Variants in KCNJ3 observed in about 807,000 individuals in gnomAD.
KCNJ3 encodes the protein G protein-activated inward rectifier potassium channel 1.
KCNJ3 carries 4 observed loss-of-function variants against 39.2 expected under a neutral mutation model. The observed-to-expected ratio is 0.10, with a 90% CI of 0.05 to 0.23. The LOEUF (loss-of-function observed/expected upper bound fraction) is 0.23, where lower values mean the gene tolerates loss of function less well. Ranked by LOEUF, KCNJ3 falls within the 10% of genes least tolerant of loss-of-function variation. KCNJ3 has a pLI of 1.00. For synonymous variants in KCNJ3, 230 were observed against 237.4 expected, an observed-to-expected ratio of 0.97 and a Z score of 0.29; for missense variants, 276 against 634.9, an observed-to-expected ratio of 0.43 and a Z score of 6.08.
intron 2 of KCNJ3, among the ~76,000 whole-genome samples, chr2:154,750,056 T>C (rs948065471): frequency 6.6e-6 from 1 of 152,034 alleles, no homozygotes; most frequent in East Asian, 1.9e-4. Context: ...GAAAGCCTAG[T>C]GAATAGCAAT....
intron 2 of KCNJ3, among the ~76,000 whole-genome samples, chr2:154,711,400 A>C (rs1685100316): frequency 6.6e-6 from 1 of 152,014 alleles, no homozygotes; most frequent in African/African-American, 2.4e-5. Flanking sequence ...CCAATTGCTT[A>C]TTATTATTCT....
intron 2 of KCNJ3, among the ~76,000 whole-genome samples, chr2:154,741,195 G>C (rs1455552944): frequency 6.6e-6 from 1 of 151,872 alleles, no homozygotes; most frequent in Non-Finnish European, 1.5e-5. Flanking sequence ...AGATGAATCT[G>C]ATTGTAAGAA....
At chr2:154,787,079 A>C (rs1316771748) in intron 2 of KCNJ3, among the ~76,000 whole-genome samples, 1 of 152,226 alleles carries the variant, frequency 6.6e-6, no homozygotes, top group Admixed American at 6.5e-5. Context: ...ACTAGAAAAA[A>C]AGGGTGTAAA....
chr2:154,738,029 T>C (rs897367025), intron 2 of KCNJ3, among the ~76,000 whole-genome samples: 7 of 152,174 alleles, frequency 4.6e-5, no homozygotes, highest in African/African-American at 1.7e-4. Flanking sequence ...ATTTTCTTTA[T>C]CCATTCATCT....
intron 2 of KCNJ3, among the ~76,000 whole-genome samples, chr2:154,734,493 T>TCAAAA (rs915236221): frequency 1.3e-5 from 2 of 152,198 alleles, no homozygotes; most frequent in African/African-American, 2.4e-5. Context: ...GTGAGCCACC[T>TCAAAA]CAAAACAAAA....
At chr2:154,794,346 C>T (rs1348983499) in intron 2 of KCNJ3, among the ~76,000 whole-genome samples, 2 of 151,908 alleles carry the variant, frequency 1.3e-5, no homozygotes, top group African/African-American at 4.8e-5. Flanking sequence ...GCCAATGAAA[C>T]TAATTCACCT....
chr2:154,856,191 T>C lies in KCNJ3; in HGVS notation c.*878T>C, dbSNP rs949680171. 3 of 152,566 alleles carry C rather than the reference T, an allele frequency of 2.0e-5. No individual in the cohort carries two copies. Among genetic ancestry groups the C allele is most frequent in the Non-Finnish European group, 2.9e-5 (2 of 67,986 alleles). The allele number at this position is 152,566 out of a possible 1,614,324, so 9.5% of individuals were successfully genotyped here. ...GAGAATTATTCCTTTCCTAGACTAA[T>C]TAAAATCTGGAAATCTGTTTTGTAT... On this transcript the variant is annotated 3_prime_UTR_variant, in exon 3 of 3. Transcript: ENST00000295101.
chr2:154,722,660 T>G (rs1341223438), intron 2 of KCNJ3, among the ~76,000 whole-genome samples: 1 of 149,716 alleles, frequency 6.7e-6, no homozygotes, highest in Non-Finnish European at 1.5e-5. Flanking sequence ...CATAGATGGT[T>G]TTTAAGCAGG....
At chr2:154,771,018 G>A (rs1381671176) in intron 2 of KCNJ3, among the ~76,000 whole-genome samples, 1 of 150,914 alleles carries the variant, frequency 6.6e-6, no homozygotes, top group East Asian at 2.0e-4. Context: ...AGCCTCCCCA[G>A]TAGCGGGATT....
intron 2 of KCNJ3, among the ~76,000 whole-genome samples, chr2:154,769,736 G>C (rs900419810): frequency 3.3e-5 from 5 of 151,924 alleles, no homozygotes; most frequent in Non-Finnish European, 7.4e-5. Flanking sequence ...TTTTTCTATT[G>C]ATTGGAATAG....
At chr2:154,775,314 T>C (rs1296023750) in intron 2 of KCNJ3, among the ~76,000 whole-genome samples, 1 of 152,188 alleles carries the variant, frequency 6.6e-6, no homozygotes, top group Non-Finnish European at 1.5e-5. Context: ...ATGTTTTCAG[T>C]TGGGTAGAAT....
chr2:154,716,692 T>A (rs1685187746), intron 2 of KCNJ3, among the ~76,000 whole-genome samples: 1 of 152,252 alleles, frequency 6.6e-6, no homozygotes, highest in African/African-American at 2.4e-5. Flanking sequence ...CTGAATAAAC[T>A]ATAAACTTCC....
chr2:154,756,596 C>T (rs6709421), intron 2 of KCNJ3, among the ~76,000 whole-genome samples: 1 of 151,672 alleles, frequency 6.6e-6, no homozygotes, highest in Non-Finnish European at 1.5e-5. Flanking sequence ...GTTCAACTCC[C>T]ACTTATTAGT....
intron 2 of KCNJ3, among the ~76,000 whole-genome samples, chr2:154,819,175 C>T (rs983126834): frequency 6.6e-6 from 1 of 151,950 alleles, no homozygotes; most frequent in Non-Finnish European, 1.5e-5. Context: ...ATAACTATTG[C>T]ACCTCAGCAT....
intron 2 of KCNJ3, among the ~76,000 whole-genome samples, chr2:154,808,859 C>T (rs1686961019): frequency 6.6e-6 from 1 of 152,072 alleles, no homozygotes; most frequent in African/African-American, 2.4e-5. Flanking sequence ...GAATCTTTTT[C>T]TGTACATTTT....
intron 2 of KCNJ3, among the ~76,000 whole-genome samples, chr2:154,762,154 A>T (rs1030922257): frequency 2.0e-5 from 3 of 152,210 alleles, no homozygotes; most frequent in African/African-American, 7.2e-5. Context: ...TGATCTCCAG[A>T]TAGTAAGGTA....
At position 154,857,126 on chromosome 2, in the gene KCNJ3, A is replaced by G. The variant is rs1687852625; in HGVS notation, c.*1813A>G. 1.3e-5 allele frequency: 2 copies of G among 152,182 alleles called. No homozygotes were observed. The highest frequency in any genetic ancestry group is 4.8e-5 in the African/African-American group (2 of 41,438). The allele number at this position is 152,182 out of a possible 1,614,324, so 9.4% of individuals were successfully genotyped here. A position where few individuals can be genotyped will look rare whatever the true frequency, so the allele number is the denominator to read the frequency against. On this transcript the variant is annotated 3_prime_UTR_variant, in exon 3 of 3. Transcript: ENST00000295101. Reference sequence around the variant, plus strand: ...GGAATTCTTACTGGCAAAATGATCAATCTGGAGTGTGCATCCACTGTGAAT... The same window carrying G: ...GGAATTCTTACTGGCAAAATGATCAGTCTGGAGTGTGCATCCACTGTGAAT...
intron 2 of KCNJ3, among the ~76,000 whole-genome samples, chr2:154,762,014 G>A (rs1686055116): frequency 6.6e-6 from 1 of 152,278 alleles, no homozygotes; most frequent in African/African-American, 2.4e-5. Flanking sequence ...TGGAAGTAGA[G>A]AATAGATTAA....
chr2:154,784,725 C>A (rs1026691633), intron 2 of KCNJ3, among the ~76,000 whole-genome samples: 1 of 152,010 alleles, frequency 6.6e-6, no homozygotes, highest in African/African-American at 2.4e-5. Context: ...TTTTGGTAAC[C>A]CTTTAACATA....
Sources: allele counts gnomAD v4.1 joint callset (sites outside exome capture counted in the v4.1 genomes callset), GRCh38; gene constraint gnomAD v4.1.1; transcripts MANE v1.5; gene names NCBI Gene and HGNC (gene_info 2026-07-23, HGNC 2026-07-21).